Variants in CDH22 observed in about 807,000 individuals in gnomAD.
The protein encoded by CDH22 is cadherin 22, also known as cadherin-22.
In CDH22, 30 loss-of-function variants were observed where a neutral mutation model predicts 58.4. The observed-to-expected ratio is 0.51, with a 90% confidence interval of 0.38 to 0.70. CDH22 has a LOEUF of 0.70. Ranked by LOEUF, CDH22 falls within the 30% of genes least tolerant of loss-of-function variation. The pLI is 0.00. For synonymous variants in CDH22, 513 were observed against 558.2 expected (o/e 0.92, Z 1.14); for missense variants, 1,014 against 1,233.9 (o/e 0.82, Z 2.67).
chr20:46,177,874 G>T, intron 11 of CDH22, 72 bp downstream of exon 11: 1 of 1,568,408 alleles, frequency 6.4e-7, no homozygotes, highest in Non-Finnish European at 8.7e-7. Flanking sequence ...CATGGGGGCT[G>T]GTTAGGAAGG....
At chr20:46,256,570 A>G (rs966580938) in intron 1 of CDH22, among the ~76,000 whole-genome samples, 3 of 152,030 alleles carry the variant, frequency 2.0e-5, no homozygotes, top group Admixed American at 2.0e-4. Flanking sequence ...AGTGCAGGGG[A>G]AGCAGCAGCA....
At chr20:46,254,473 T>C (rs1375532469) in intron 1 of CDH22, among the ~76,000 whole-genome samples, 1 of 149,986 alleles carries the variant, frequency 6.7e-6, no homozygotes, top group East Asian at 2.0e-4. Flanking sequence ...GAAAATCACT[T>C]GAACCTGGGA....
chr20:46,297,656 T>C (rs1035633768), intron 1 of CDH22, among the ~76,000 whole-genome samples: 6 of 116,332 alleles, frequency 5.2e-5, no homozygotes, highest in Non-Finnish European at 1.1e-4. Flanking sequence ...GCGGGCTCAG[T>C]GAGGGGATGG....
chr20:46,285,253 C>T (rs946381717), intron 1 of CDH22, among the ~76,000 whole-genome samples: 4 of 152,154 alleles, frequency 2.6e-5, no homozygotes, highest in East Asian at 3.8e-4. Context: ...AATGGGAAAA[C>T]GAGACTTTGT....
intron 1 of CDH22, among the ~76,000 whole-genome samples, chr20:46,257,371 G>C (rs1320938524): frequency 6.6e-6 from 1 of 152,118 alleles, no homozygotes; most frequent in Non-Finnish European, 1.5e-5. Context: ...AGGAGCCTAT[G>C]GCAATATTTC....
chr20:46,255,224 C>T (rs2086400640), intron 1 of CDH22, among the ~76,000 whole-genome samples: 1 of 152,130 alleles, frequency 6.6e-6, no homozygotes, highest in Admixed American at 6.5e-5. Context: ...GTTTCACAGG[C>T]TGTTCTTGAA....
In CDH22 at chr20:46,212,922, G is replaced by A. The variant is rs541758062; in HGVS notation, c.1032+73C>T. ...TGAGTGGAGTGAGGTGGGGGTATTCGGCTGCCCAGAGGCCTCCCTGATCCT... is the reference window on the plus strand; with the variant it reads ...TGAGTGGAGTGAGGTGGGGGTATTCAGCTGCCCAGAGGCCTCCCTGATCCT... On this transcript the variant is annotated intron_variant, in intron 6 of 11. Transcript: ENST00000537909. 7.0e-6 allele frequency: 9 copies of A among 1,287,766 alleles called. No homozygotes were observed. In the East Asian group the frequency reaches 1.2e-4, roughly 17 times the overall value. 79.8% of individuals were successfully genotyped at this position (1,287,766 alleles called of 1,614,324 possible).
chr20:46,231,986 C>T (rs1446976463), intron 3 of CDH22, among the ~76,000 whole-genome samples: 1 of 152,150 alleles, frequency 6.6e-6, no homozygotes, highest in Non-Finnish European at 1.5e-5. Context: ...CATTCCTTTC[C>T]CTTCTCTCCG....
intron 1 of CDH22, among the ~76,000 whole-genome samples, chr20:46,293,937 C>G (rs906425792): frequency 1.3e-5 from 2 of 152,180 alleles, no homozygotes; most frequent in African/African-American, 4.8e-5. Flanking sequence ...ATTGCTTGAA[C>G]CTGGGAGGCG....
At position 46,174,637 on chromosome 20, in the gene CDH22, T is replaced by C. The variant is rs2085722413; in HGVS notation, c.2356A>G (p.Ser786Gly). ...CCCGACGAGCCGCTGTGCAGGGAGC[T>C]GAGCGAGGCGGCCGGCGAGTCCGCG... ...EGADSPAASL[S>G]SLHSGSSGSE... The change falls in exon 12 of 12, where the codon AGC becomes GGC. Residue 786 changes from serine (S) to glycine (G), a missense_variant. Coordinates refer to ENST00000537909, the MANE Select transcript of CDH22 (RefSeq NM_021248.3). This position sits in a 1 kb window ranked among gnomAD's most constrained non-coding sequence, Gnocchi z 4.4. The C allele has an allele frequency of 6.4e-7, 1 of 1,552,050 alleles. No homozygotes were observed. The highest frequency in any genetic ancestry group is 2.3e-5 in the East Asian group (1 of 42,934).
chr20:46,266,029 G>GTC (rs145850923), intron 1 of CDH22, among the ~76,000 whole-genome samples: 12 of 150,630 alleles, frequency 8.0e-5, no homozygotes, highest in East Asian at 1.9e-4. Flanking sequence ...CCCCCTCTGG[G>GTC]TCTCTCTCTC....
intron 11 of CDH22, 112 bp from the exon 12 acceptor site, chr20:46,175,189 A>C (rs2085729998): frequency 1.0e-6 from 1 of 998,724 alleles, no homozygotes; most frequent in Non-Finnish European, 1.4e-6. Context: ...GCCCAGCCTC[A>C]ACATTCCTAC....
chr20:46,265,754 G>A (rs186004264), intron 1 of CDH22, among the ~76,000 whole-genome samples: 29 of 149,376 alleles, frequency 1.9e-4, no homozygotes, highest in Admixed American at 5.4e-4. Flanking sequence ...TGAATATACC[G>A]TGACTTAGAA....
intron 3 of CDH22, among the ~76,000 whole-genome samples, chr20:46,240,430 G>GA (rs1374555009): frequency 6.6e-6 from 1 of 152,148 alleles, no homozygotes; most frequent in Non-Finnish European, 1.5e-5. Context: ...TGTGCCTGAA[G>GA]ATGGGACTAT....
At chr20:46,282,944 A>G (rs2086557674) in intron 1 of CDH22, among the ~76,000 whole-genome samples, 1 of 152,320 alleles carries the variant, frequency 6.6e-6, no homozygotes, top group Admixed American at 6.5e-5. Flanking sequence ...GAGTGGGAGC[A>G]GCTGGCCAGG....
At chr20:46,275,006 A>G (rs1489312730) in intron 1 of CDH22, among the ~76,000 whole-genome samples, 1 of 152,192 alleles carries the variant, frequency 6.6e-6, no homozygotes, top group African/African-American at 2.4e-5. Context: ...AATGTTCTGC[A>G]ACTGCGTGGT....
chr20:46,230,976 G>C (rs1203684066), intron 3 of CDH22, among the ~76,000 whole-genome samples: 1 of 152,184 alleles, frequency 6.6e-6, no homozygotes, highest in East Asian at 1.9e-4. Flanking sequence ...GCTTGGAGTA[G>C]AAGTAGATAG....
intron 1 of CDH22, among the ~76,000 whole-genome samples, chr20:46,255,414 G>C (rs1221921827): frequency 1.3e-5 from 2 of 152,204 alleles, no homozygotes; most frequent in Non-Finnish European, 2.9e-5. Flanking sequence ...GGACTCCTCA[G>C]GCATAAGGCA....
At chr20:46,182,007 G>T (rs546209224) in intron 10 of CDH22, among the ~76,000 whole-genome samples, 41 of 151,614 alleles carry the variant, frequency 2.7e-4, no homozygotes, top group African/African-American at 9.9e-4. Context: ...TAGTAGAGAC[G>T]GGGTTTCATG....
Sources: gnomAD v4.1 joint callset for allele counts (sites outside exome capture counted in the v4.1 genomes callset) on GRCh38, gnomAD v4.1.1 for gene constraint, Gnocchi (gnomAD v3.1) non-coding constraint, MANE v1.5 for transcripts, NCBI Gene and HGNC (gene_info 2026-07-23, HGNC 2026-07-21) for gene names.